MYO1E: variants seen among roughly 807,000 people sequenced by gnomAD.
MYO1E encodes the protein myosin IE.
In MYO1E, 68 loss-of-function variants were observed where a neutral mutation model predicts 151.1. That is an observed-to-expected ratio of 0.45 (90% CI 0.37 to 0.55). The LOEUF (loss-of-function observed/expected upper bound fraction) is 0.55, where lower values mean the gene tolerates loss of function less well. MYO1E is among the 20% of genes least tolerant of loss of function. The pLI, the probability that MYO1E is intolerant of heterozygous loss-of-function variation, is 0.00. For synonymous variants in MYO1E, 601 were observed against 501.7 expected (o/e 1.20, Z -2.64); for missense variants, 1,363 against 1,389.3 (o/e 0.98, Z 0.30).
At chr15:59,320,712 G>C (rs1387180692) in intron 1 of MYO1E, among the ~76,000 whole-genome samples, 6 of 152,052 alleles carry the variant, frequency 3.9e-5, no homozygotes, top group Non-Finnish European at 8.8e-5. Context: ...TTAAATGTAA[G>C]ACCTCAAACT....
At chr15:59,277,007 A>G (rs1242935266) in intron 1 of MYO1E, among the ~76,000 whole-genome samples, 1 of 152,192 alleles carries the variant, frequency 6.6e-6, no homozygotes, top group Non-Finnish European at 1.5e-5. Flanking sequence ...GGAGTTACCC[A>G]TATACTTGGT....
intron 7 of MYO1E, among the ~76,000 whole-genome samples, chr15:59,225,258 C>A (rs2079982557): frequency 6.6e-6 from 1 of 152,218 alleles, no homozygotes. Flanking sequence ...GTGAACTTCT[C>A]CAAGCTGCAG....
chr15:59,192,231 CT>C (rs774500429), intron 17 of MYO1E, among the ~76,000 whole-genome samples: 13 of 151,570 alleles, frequency 8.6e-5, no homozygotes, highest in Non-Finnish European at 1.3e-4. Flanking sequence ...ATACCTTGAA[CT>C]TCTTAAAACC....
chr15:59,174,261 A>C (rs1314184453), intron 19 of MYO1E, 21 bp from the exon 20 acceptor site: 3 of 1,553,234 alleles, frequency 1.9e-6, no homozygotes, highest in Non-Finnish European at 2.7e-6. Context: ...AGAGAAGACA[A>C]ATGTGAGCCA....
chr15:59,270,633 C>A (rs1459724532), intron 2 of MYO1E, among the ~76,000 whole-genome samples: 1 of 149,866 alleles, frequency 6.7e-6, no homozygotes, highest in Admixed American at 6.6e-5. Flanking sequence ...TTTAAAAATA[C>A]AATAAATTCA....
intron 11 of MYO1E, 67 bp from the exon 12 acceptor site, chr15:59,214,381 A>T: frequency 8.4e-7 from 1 of 1,184,304 alleles, no homozygotes; most frequent in South Asian, 1.3e-5. Context: ...TTCTGGAGTG[A>T]TTTATTGAAA....
chr15:59,277,079 A>T (rs2080323421), intron 1 of MYO1E, among the ~76,000 whole-genome samples: 2 of 152,180 alleles, frequency 1.3e-5, no homozygotes, highest in South Asian at 4.2e-4. Flanking sequence ...TGTGTTGTGT[A>T]AATACAACAA....
At chr15:59,161,895 A>G (rs1318530450) in intron 23 of MYO1E, among the ~76,000 whole-genome samples, 1 of 152,236 alleles carries the variant, frequency 6.6e-6, no homozygotes, top group Non-Finnish European at 1.5e-5. Flanking sequence ...AGAAGGAAAA[A>G]TCATAATTTT....
chr15:59,218,259 T>C, intron 9 of MYO1E, 172 bp from the exon 10 acceptor site: 1 of 741,434 alleles, frequency 1.3e-6, no homozygotes, highest in Non-Finnish European at 2.4e-6. Flanking sequence ...AGTAATCCCA[T>C]ACACATCCAT....
intron 14 of MYO1E, 32 bp from the exon 15 acceptor site, chr15:59,205,517 T>A: frequency 6.4e-7 from 1 of 1,564,220 alleles, no homozygotes; most frequent in East Asian, 2.2e-5. Context: ...TCGAATTTCA[T>A]TGAACAAAAT....
chr15:59,140,887 A>C (rs1004653952), intron 26 of MYO1E, among the ~76,000 whole-genome samples: 27 of 151,248 alleles, frequency 1.8e-4, no homozygotes, highest in Non-Finnish European at 3.5e-4. Context: ...CACCACCACC[A>C]CCCCCCTGCA....
chr15:59,211,208 A>G (rs989795733), intron 12 of MYO1E, among the ~76,000 whole-genome samples: 1 of 152,082 alleles, frequency 6.6e-6, no homozygotes, highest in Non-Finnish European at 1.5e-5. Context: ...TCAAAAAAAA[A>G]AAAAAAAATT....
At chr15:59,364,873 C>T (rs1481687556) in intron 1 of MYO1E, among the ~76,000 whole-genome samples, 2 of 152,070 alleles carry the variant, frequency 1.3e-5, no homozygotes, top group Admixed American at 6.5e-5. Context: ...TATGCCACTG[C>T]ACTCCAGCCT....
intron 16 of MYO1E, among the ~76,000 whole-genome samples, chr15:59,199,702 T>C (rs2079789225): frequency 6.6e-6 from 1 of 152,250 alleles, no homozygotes; most frequent in African/African-American, 2.4e-5. Flanking sequence ...ATAATTAGAA[T>C]ATAATGAAAT....
chr15:59,280,683 T>G (rs1291051128), intron 1 of MYO1E, among the ~76,000 whole-genome samples: 2 of 152,118 alleles, frequency 1.3e-5, no homozygotes, highest in Admixed American at 6.5e-5. Context: ...ACTGGCAGTT[T>G]TTTTTTATTT....
intron 13 of MYO1E, among the ~76,000 whole-genome samples, chr15:59,209,659 G>C (rs113150902): frequency 2.6e-5 from 4 of 151,628 alleles, no homozygotes; most frequent in African/African-American, 9.7e-5. Flanking sequence ...CTGGGCAACC[G>C]AGCGAGACGT....
intron 1 of MYO1E, among the ~76,000 whole-genome samples, chr15:59,332,434 A>C (rs1201485923): frequency 6.6e-6 from 1 of 152,218 alleles, no homozygotes; most frequent in Non-Finnish European, 1.5e-5. Context: ...AGATGGGAAG[A>C]AGTAAGCATG....
At chr15:59,221,464 C>A (rs1566983528) in intron 9 of MYO1E, among the ~76,000 whole-genome samples, 1 of 152,152 alleles carries the variant, frequency 6.6e-6, no homozygotes, top group East Asian at 1.9e-4. Context: ...TTGGTTACCT[C>A]TGACGAGGGG....
chr15:59,206,014 GC>G (rs2079831326), intron 14 of MYO1E, among the ~76,000 whole-genome samples: 1 of 152,124 alleles, frequency 6.6e-6, no homozygotes. Flanking sequence ...CAAGAGATCA[GC>G]TGGGATGATG....
Sources: gnomAD v4.1 joint callset for allele counts (sites outside exome capture counted in the v4.1 genomes callset) on GRCh38, gnomAD v4.1.1 for gene constraint, MANE v1.5 for transcripts, NCBI Gene and HGNC (gene_info 2026-07-23, HGNC 2026-07-21) for gene names.